Variants in EXOC2 observed in about 807,000 individuals in gnomAD.
EXOC2 encodes SEC5-like 1.
In EXOC2, 70 loss-of-function variants were observed where a neutral mutation model predicts 131.8. The observed-to-expected ratio is 0.53, with a 90% CI of 0.44 to 0.65. The LOEUF is 0.65. Among genes scored for constraint, EXOC2 ranks in the 30% least tolerant of loss-of-function variants. EXOC2 has a pLI of 0.00. For missense variants in EXOC2, 923 were observed against 1,108.6 expected (o/e 0.83, Z 2.38); for synonymous variants, 411 against 398.4 (o/e 1.03, Z -0.38).
rs768695166 is a variant in EXOC2 at position 617,739 on chromosome 6, T to C, written c.633A>G (p.Thr211=). Residue 211 remains threonine, a synonymous_variant, in exon 6 of 28, where the codon ACA becomes ACG. Transcript: ENST00000230449. ...AGAGGGCATCCTGTGCTTCGAAGAA[T>C]GTACTGAGACCGCCTTTCACATAGG... ...SLAYVKGGLS[T]FFEAQDALSA... 3.0e-5 allele frequency: 48 copies of C among 1,613,222 alleles called. No homozygotes were observed. Among genetic ancestry groups the C allele is most frequent in the Non-Finnish European group, 3.7e-5 (44 of 1,179,590 alleles).
intron 1 of EXOC2, chr6:656,264 C>T: frequency 6.2e-7 from 1 of 1,614,248 alleles, no homozygotes; most frequent in Middle Eastern, 1.6e-4. Flanking sequence ...CCCGCACTTG[C>T]ACCATGCTCT....
intron 22 of EXOC2, among the ~76,000 whole-genome samples, chr6:535,331 C>T (rs1314470172): frequency 1.3e-5 from 2 of 152,064 alleles, no homozygotes; most frequent in African/African-American, 4.8e-5. Flanking sequence ...AACTACCGTA[C>T]TCCAATCTAG....
intron 1 of EXOC2, among the ~76,000 whole-genome samples, chr6:668,284 C>G (rs1225865297): frequency 6.6e-6 from 1 of 152,206 alleles, no homozygotes; most frequent in Non-Finnish European, 1.5e-5. Flanking sequence ...CATCATGTCT[C>G]TCCTACAGTC....
chr6:549,151 T>A lies in EXOC2; in HGVS notation c.2238+24A>T. Reference sequence around the variant, plus strand: ...CTGAGCTGGTAAAACCACCGACTTGTGCGTTTTACATGAACTCGCTTACCT... The same window carrying A: ...CTGAGCTGGTAAAACCACCGACTTGAGCGTTTTACATGAACTCGCTTACCT... On this transcript the variant is annotated intron_variant, in intron 22 of 27. Transcript: ENST00000230449. 3 of 1,581,180 alleles carry A rather than the reference T, an allele frequency of 1.9e-6. No individual in the cohort carries two copies. In the South Asian group the frequency reaches 3.3e-5, roughly 17 times the overall value.
At position 555,241 on chromosome 6, in the gene EXOC2, A is replaced by G; in HGVS notation, c.2040T>C (p.Asp680=). 2 of 1,520,614 alleles carry G rather than the reference A, an allele frequency of 1.3e-6. No homozygotes were observed. The highest frequency in any genetic ancestry group is 1.8e-6 in the Non-Finnish European group (2 of 1,119,802). The allele number at this position is 1,520,614 out of a possible 1,614,324, so 94.2% of individuals were successfully genotyped here. A position where few individuals can be genotyped will look rare whatever the true frequency, so the allele number is the denominator to read the frequency against. Residue 680 remains aspartate, a synonymous_variant, in exon 20 of 28, where the codon GAT becomes GAC. Transcript: ENST00000230449. ...TTTTTACTTACTGTGTAGTATCTAT[A>G]TCTGCATCAGGCTTGGTGCTCAACT... The part of the protein sequence containing the change: ...LEQLSTKPDA[D]IDTTHLSVDV...
chr6:656,278 G>C, intron 1 of EXOC2: 2 of 1,614,182 alleles, frequency 1.2e-6, no homozygotes, highest in Non-Finnish European at 1.7e-6. Flanking sequence ...ATGCTCTCCA[G>C]GTCTCTGTTT....
At chr6:688,484 C>T (rs1472503124) in intron 1 of EXOC2, among the ~76,000 whole-genome samples, 1 of 152,202 alleles carries the variant, frequency 6.6e-6, no homozygotes, top group African/African-American at 2.4e-5. Context: ...GACTGAAGAT[C>T]ACAGAAGCGC....
Position 598,045 on chromosome 6 carries a change from A to G in EXOC2, c.1049T>C (p.Leu350Ser), listed in dbSNP as rs560802146. The change falls in exon 10 of 28, where the codon TTA becomes TCA. Residue 350 changes from leucine to serine, a missense_variant. Coordinates refer to ENST00000230449, the MANE Select transcript of EXOC2 (RefSeq NM_018303.6). Reference protein sequence around the residue: ...LDKLLETPSTLHDQKRYIRYL... With the variant: ...LDKLLETPSTSHDQKRYIRYL... ...CCTTATGTAACGTTTTTGGTCATGTAAAGTTGATGGTGTCTCAAGCAATTT... is the reference window on the plus strand; with the variant it reads ...CCTTATGTAACGTTTTTGGTCATGTGAAGTTGATGGTGTCTCAAGCAATTT... 4 of 1,613,644 alleles carry G rather than the reference A, an allele frequency of 2.5e-6. No homozygotes were observed. In the South Asian group the frequency reaches 3.3e-5, roughly 13 times the overall value.
chr6:581,575 T>C (rs1174911679), intron 11 of EXOC2, among the ~76,000 whole-genome samples: 1 of 152,028 alleles, frequency 6.6e-6, no homozygotes, highest in African/African-American at 2.4e-5. Flanking sequence ...TATGTGATAT[T>C]TGCAGGAAAA....
At chr6:501,528 TTA>T (rs1243235185) in intron 23 of EXOC2, among the ~76,000 whole-genome samples, 4 of 3,200 alleles carry the variant, frequency 1.3e-3, no homozygotes, top group Non-Finnish European at 2.1e-3. Context: ...TCTATATATA[TTA>T]TATATATCTA....
Position 486,353 on chromosome 6 carries a change from C to T in EXOC2, c.*318G>A. On this transcript the variant is annotated 3_prime_UTR_variant, in exon 28 of 28. Coordinates refer to ENST00000230449, the MANE Select transcript of EXOC2 (RefSeq NM_018303.6). ...AGAAATGCTTCAATATGTGCCACGCCATTCCAGAAAACTCCCTGCAGAAGC... is the reference window on the plus strand; with the variant it reads ...AGAAATGCTTCAATATGTGCCACGCTATTCCAGAAAACTCCCTGCAGAAGC... The T allele has an allele frequency of 4.0e-6, 1 of 248,458 alleles. No individual in the cohort carries two copies. The highest frequency in any genetic ancestry group is 9.3e-5 in the East Asian group (1 of 10,742). The allele number at this position is 248,458 out of a possible 1,614,324, so 15.4% of individuals were successfully genotyped here. A position where few individuals can be genotyped will look rare whatever the true frequency, so the allele number is the denominator to read the frequency against.
chr6:616,399 C>T (rs888955344), intron 6 of EXOC2, among the ~76,000 whole-genome samples: 1 of 151,762 alleles, frequency 6.6e-6, no homozygotes. Flanking sequence ...GTCAGGAGAT[C>T]GAGACCATCC....
Position 599,174 on chromosome 6 carries a change from T to A in EXOC2, c.794A>T (p.Asp265Val). Residue 265 changes from aspartate to valine, a missense_variant, in exon 8 of 28, where the codon GAC becomes GTC. Transcript: ENST00000230449. ...TGCATTTCTAGTGGAATCTGCCTTG[T>A]CTTTCCGACCTAATACTTCTTGAAA... ...TLFQEVLGRK[D>V]KADSTRNALN... 6.2e-7 allele frequency: 1 copy of A among 1,612,934 alleles called. No individual in the cohort carries two copies. The highest frequency in any genetic ancestry group is 8.5e-7 in the Non-Finnish European group (1 of 1,179,266).
rs1196330376 is a variant in EXOC2 at position 667,289 on chromosome 6, TTTTG to T, written c.-44+25726_-44+25729del. Among the ~76,000 whole-genome samples the T allele has an allele frequency of 3.1e-5, 3 of 97,752 alleles. 1 individual carries two copies. The highest frequency in any genetic ancestry group is 9.1e-5 in the African/African-American group (3 of 32,872). The allele number at this position is 97,752 out of a possible 152,430, so 64.1% of individuals were successfully genotyped here. On this transcript the variant is annotated intron_variant, in intron 1 of 27. Transcript: ENST00000230449. ...TTTACTGGTAACAAATTTCCTCAAC[TTTTG>T]TTTATCTGAGAAAGTATTTCTCATT... is the stretch of plus-strand genomic sequence containing the variant.
chr6:610,522 GA>G (rs1340749871), intron 6 of EXOC2, among the ~76,000 whole-genome samples: 1 of 152,152 alleles, frequency 6.6e-6, no homozygotes, highest in African/African-American at 2.4e-5. Context: ...TCCAAAATCT[GA>G]AACTTGAAGC....
intron 13 of EXOC2, among the ~76,000 whole-genome samples, chr6:571,398 A>C (rs1758269666): frequency 6.6e-6 from 1 of 152,234 alleles, no homozygotes; most frequent in South Asian, 2.1e-4. Context: ...CCAACCATTC[A>C]CATAAACAAG....
chr6:619,336 T>G (rs556458128), intron 5 of EXOC2, 94 bp downstream of exon 5: 163 of 967,052 alleles, frequency 1.7e-4, no homozygotes, highest in Non-Finnish European at 2.5e-4. Context: ...TGTAACTGTA[T>G]GCAGAGCCAG....
chr6:495,274 C>T (rs577371698), intron 25 of EXOC2, among the ~76,000 whole-genome samples: 27 of 151,886 alleles, frequency 1.8e-4, no homozygotes, highest in African/African-American at 3.9e-4. Context: ...TACAGGCGCC[C>T]GCCACCGCGC....
rs966100933 is a variant in EXOC2, at chr6:592,176, C to T, written c.1192+293G>A. On this transcript the variant is annotated intron_variant, in intron 11 of 27. Coordinates refer to ENST00000230449, the MANE Select transcript of EXOC2 (RefSeq NM_018303.6). The stretch of plus-strand genomic sequence containing the variant: ...AGGACTCAACATACACCTGACGAGA[C>T]GATGTGCAGACTGATAGTTACCAAA... Among the ~76,000 whole-genome samples, 15 of 152,162 alleles carry T rather than the reference C, an allele frequency of 9.9e-5. No individual in the cohort carries two copies. In the South Asian group the frequency reaches 2.7e-3, roughly 27 times the overall value.
Sources: allele counts gnomAD v4.1 joint callset (sites outside exome capture counted in the v4.1 genomes callset), GRCh38; gene constraint gnomAD v4.1.1; transcripts MANE v1.5; gene names NCBI Gene and HGNC (gene_info 2026-07-23, HGNC 2026-07-21).